MDFIC2: variants seen among roughly 807,000 people sequenced by gnomAD.
The protein encoded by MDFIC2 is MyoD family inhibitor domain containing 2, also known as myoD family inhibitor domain-containing protein 2.
intron 2 of MDFIC2, among the ~76,000 whole-genome samples, chr3:70,252,200 A>G (rs1701775861): frequency 6.6e-6 from 1 of 152,332 alleles, no homozygotes; most frequent in African/African-American, 2.4e-5. Context: ...GGCAAAATTG[A>G]ACAAAATGGG....
At chr3:70,204,445 G>A (rs1701270512) in intron 3 of MDFIC2, 1 of 151,976 alleles carries the variant, frequency 6.6e-6, no homozygotes, top group African/African-American at 2.4e-5. Flanking sequence ...ACTCTTTGTG[G>A]GTCTTAGGTT....
chr3:70,272,759 C>T (rs1426377509), intron 2 of MDFIC2, among the ~76,000 whole-genome samples: 2 of 152,142 alleles, frequency 1.3e-5, no homozygotes, highest in African/African-American at 4.8e-5. Context: ...CCTCTAAATT[C>T]CCCTTGCTTT....
At chr3:70,223,205 G>A (rs1291259754) in intron 2 of MDFIC2, among the ~76,000 whole-genome samples, 1 of 152,080 alleles carries the variant, frequency 6.6e-6, no homozygotes, top group Non-Finnish European at 1.5e-5. Context: ...TTTTGTCTAA[G>A]TTTTCCCTTA....
intron 2 of MDFIC2, among the ~76,000 whole-genome samples, chr3:70,218,868 G>A (rs1701437570): frequency 6.6e-6 from 1 of 152,060 alleles, no homozygotes; most frequent in Admixed American, 6.6e-5. Flanking sequence ...CAGCATTCAA[G>A]CATGTTGAGG....
chr3:70,240,297 A>G (rs1701654431), intron 2 of MDFIC2, among the ~76,000 whole-genome samples: 1 of 152,032 alleles, frequency 6.6e-6, no homozygotes, highest in South Asian at 2.1e-4. Flanking sequence ...GGGGAAAAAA[A>G]ACAGTAGCTA....
At chr3:70,301,065 A>G (rs1463650912) in intron 2 of MDFIC2, among the ~76,000 whole-genome samples, 1 of 152,126 alleles carries the variant, frequency 6.6e-6, no homozygotes, top group African/African-American at 2.4e-5. Context: ...TCATTTAAAA[A>G]AGACGATGTT....
At chr3:70,277,943 T>A (rs950614753) in intron 2 of MDFIC2, among the ~76,000 whole-genome samples, 1 of 152,152 alleles carries the variant, frequency 6.6e-6, no homozygotes, top group Non-Finnish European at 1.5e-5. Flanking sequence ...TCTCAATGTT[T>A]TAAATTTTTG....
intron 2 of MDFIC2, among the ~76,000 whole-genome samples, chr3:70,245,076 A>G (rs1003044598): frequency 3.9e-5 from 6 of 152,170 alleles, no homozygotes; most frequent in Admixed American, 3.3e-4. Flanking sequence ...TTCATTTTGA[A>G]GAGGAGAAGT....
intron 2 of MDFIC2, among the ~76,000 whole-genome samples, chr3:70,211,207 C>T (rs1701341207): frequency 6.7e-6 from 1 of 150,064 alleles, no homozygotes; most frequent in Admixed American, 6.7e-5. Context: ...TCCTTTCCCC[C>T]TTCCTTTCAC....
intron 2 of MDFIC2, among the ~76,000 whole-genome samples, chr3:70,285,870 C>G (rs1450289535): frequency 6.6e-6 from 1 of 151,934 alleles, no homozygotes; most frequent in Non-Finnish European, 1.5e-5. Flanking sequence ...TGAGAAGTGT[C>G]TGTTCATGTC....
intron 2 of MDFIC2, among the ~76,000 whole-genome samples, chr3:70,249,439 A>T (rs1396707407): frequency 6.6e-6 from 1 of 152,086 alleles, no homozygotes; most frequent in African/African-American, 2.4e-5. Flanking sequence ...CATTGCTGTG[A>T]CCTCTGCATC....
chr3:70,302,787 T>C (rs901861248), intron 2 of MDFIC2: 2 of 152,178 alleles, frequency 1.3e-5, no homozygotes, highest in East Asian at 1.9e-4. Flanking sequence ...TTTGCACTGA[T>C]TAATTCATCT....
At chr3:70,294,602 T>G (rs1196263387) in intron 2 of MDFIC2, among the ~76,000 whole-genome samples, 1 of 152,184 alleles carries the variant, frequency 6.6e-6, no homozygotes, top group Non-Finnish European at 1.5e-5. Flanking sequence ...CCGGGTCACT[T>G]AGCATGCTTT....
At chr3:70,283,636 A>C (rs1053493636) in intron 2 of MDFIC2, 4 of 152,082 alleles carry the variant, frequency 2.6e-5, no homozygotes, top group African/African-American at 9.7e-5. Flanking sequence ...AAAGGGATTC[A>C]TGCTGGGGTC....
In MDFIC2 at chr3:70,267,113, G is replaced by A. The variant is rs540523725; in HGVS notation, c.88+44773C>T. Among the ~76,000 whole-genome samples, 5 of 152,200 alleles carry A rather than the reference G, an allele frequency of 3.3e-5. No individual in the cohort carries two copies. In the East Asian group the frequency reaches 9.7e-4, roughly 29 times the overall value. ...AAAATTGCTAGCTGGGGAGGGGGTGGGAAGGAGAATAGGAAGTACCAAGCT... is the reference window on the plus strand; with the variant it reads ...AAAATTGCTAGCTGGGGAGGGGGTGAGAAGGAGAATAGGAAGTACCAAGCT... On this transcript the variant is annotated intron_variant, in intron 2 of 3. Transcript: ENST00000567252.
chr3:70,245,669 CTTTATATATATATA>C (rs1701699611), intron 2 of MDFIC2, among the ~76,000 whole-genome samples: 1 of 72,214 alleles, frequency 1.4e-5, no homozygotes, highest in African/African-American at 5.2e-5. Flanking sequence ...TTGCAAACTG[CTTTATATATATATA>C]TATATATATA....
intron 2 of MDFIC2, among the ~76,000 whole-genome samples, chr3:70,251,507 A>G (rs182645894): frequency 1.3e-5 from 2 of 152,292 alleles, no homozygotes; most frequent in East Asian, 3.9e-4. Flanking sequence ...CTTAAATAGT[A>G]TTTTATAGGC....
chr3:70,206,456 C>T (rs1240359879), intron 3 of MDFIC2, 113 bp downstream of exon 3: 3 of 394,812 alleles, frequency 7.6e-6, no homozygotes, highest in Non-Finnish European at 1.3e-5. Context: ...TCGAAGTCTT[C>T]GTGTTTAATA....
intron 2 of MDFIC2, among the ~76,000 whole-genome samples, chr3:70,285,628 G>A (rs1403849052): frequency 2.7e-5 from 4 of 150,620 alleles, no homozygotes; most frequent in South Asian, 2.1e-4. Flanking sequence ...CTGAGGAATC[G>A]CCACACTGAC....
Sources: gnomAD v4.1 joint callset for allele counts (sites outside exome capture counted in the v4.1 genomes callset) on GRCh38, gnomAD v4.1.1 for gene constraint, MANE v1.5 for transcripts, NCBI Gene and HGNC (gene_info 2026-07-23, HGNC 2026-07-21) for gene names.